Variants in LAMA3 observed in about 807,000 individuals in gnomAD.
The protein encoded by LAMA3 is laminin subunit alpha 3, also known as laminin subunit alpha-3.
Under a neutral mutation model 402.0 loss-of-function variants are expected in LAMA3, and 281 were observed. That is an observed-to-expected ratio of 0.70 (90% CI 0.63 to 0.77). The LOEUF (loss-of-function observed/expected upper bound fraction) is 0.77, where lower values mean the gene tolerates loss of function less well. LAMA3 is among the 30% of genes least tolerant of loss of function. The pLI, the probability that LAMA3 is intolerant of heterozygous loss-of-function variation, is 0.00. For synonymous variants in LAMA3, 1,431 were observed against 1,558.4 expected (o/e 0.92, Z 1.93); for missense variants, 3,840 against 4,215.5 (o/e 0.91, Z 2.47).
intron 10 of LAMA3, 25 bp from the exon 11 acceptor site, chr18:23,777,532 A>G: frequency 2.0e-6 from 3 of 1,500,572 alleles, no homozygotes; most frequent in Non-Finnish European, 2.8e-6. Context: ...CATCCTCTGT[A>G]TTTTTTAATA....
intron 1 of LAMA3, among the ~76,000 whole-genome samples, chr18:23,701,343 A>G (rs1490164111): frequency 6.6e-6 from 1 of 152,212 alleles, no homozygotes; most frequent in Non-Finnish European, 1.5e-5. Flanking sequence ...GCAAGTGGTC[A>G]GAAGTTAGGA....
At chr18:23,836,165 AAAC>A (rs1429470563) in intron 24 of LAMA3, among the ~76,000 whole-genome samples, 2 of 151,996 alleles carry the variant, frequency 1.3e-5, no homozygotes, top group Non-Finnish European at 2.9e-5. Flanking sequence ...GTGAGAAAGA[AAAC>A]AACAGTTTAT....
rs1218062116 is a variant in LAMA3 at position 23,916,667 on chromosome 18, G to C, written c.7895G>C (p.Arg2632Thr). 3 of 1,614,158 alleles carry C rather than the reference G, an allele frequency of 1.9e-6. No individual in the cohort carries two copies. The highest frequency in any genetic ancestry group is 1.7e-6 in the Non-Finnish European group (2 of 1,180,020). Residue 2632 changes from arginine to threonine, a missense_variant, in exon 60 of 75, where the codon AGA becomes ACA. By Grantham distance (71) the Arg-to-Thr change is moderately conservative. Coordinates refer to ENST00000313654, the MANE Select transcript of LAMA3 (RefSeq NM_198129.4). ...CAGACAATTCAGACCACCGTGGATAGAGGCTTGCTGTTCTTTGCAGAAAAC... is the reference window on the plus strand; with the variant it reads ...CAGACAATTCAGACCACCGTGGATACAGGCTTGCTGTTCTTTGCAGAAAAC... ...FGQTIQTTVD[R>T]GLLFFAENGD...
At chr18:23,815,344 T>TG (rs1158405106) in intron 16 of LAMA3, 104 bp downstream of exon 16, 1 of 1,353,180 alleles carries the variant, frequency 7.4e-7, no homozygotes, top group Admixed American at 1.8e-5. Context: ...CTACAGTGCA[T>TG]GGTAATCCTT....
chr18:23,933,649 C>A, intron 66 of LAMA3, 133 bp from the exon 67 acceptor site: 1 of 834,036 alleles, frequency 1.2e-6, no homozygotes, highest in Non-Finnish European at 2.0e-6. Context: ...TATCTAACTG[C>A]ATTTTTGTAC....
At chr18:23,813,183 T>G (rs2063107818) in intron 14 of LAMA3, 80 bp downstream of exon 14, 4 of 958,870 alleles carry the variant, frequency 4.2e-6, no homozygotes, top group Non-Finnish European at 6.7e-6. Context: ...GTGTGGGCAC[T>G]TCCAGAAATT....
At chr18:23,844,615 A>T (rs1288780968) in intron 29 of LAMA3, among the ~76,000 whole-genome samples, 4 of 152,120 alleles carry the variant, frequency 2.6e-5, no homozygotes, top group Non-Finnish European at 5.9e-5. Flanking sequence ...TGTTCCTGTG[A>T]TTGTTTTTCA....
intron 32 of LAMA3, among the ~76,000 whole-genome samples, chr18:23,853,186 AAAAT>A (rs1000013857): frequency 2.0e-5 from 3 of 152,206 alleles, no homozygotes; most frequent in Non-Finnish European, 4.4e-5. Context: ...CTTGAGTGAA[AAAAT>A]AAATAAATAA....
intron 69 of LAMA3, 68 bp downstream of exon 69, chr18:23,944,039 G>A: frequency 6.8e-7 from 1 of 1,464,862 alleles, no homozygotes; most frequent in Non-Finnish European, 9.4e-7. Flanking sequence ...GCTGAAAATA[G>A]GAGTCCCAGC....
At chr18:23,713,143 T>A (rs927949485) in intron 1 of LAMA3, among the ~76,000 whole-genome samples, 2 of 151,990 alleles carry the variant, frequency 1.3e-5, no homozygotes, top group African/African-American at 4.8e-5. Flanking sequence ...TAAAAATGGA[T>A]CCCCATTTAC....
In LAMA3 at chr18:23,921,280, A is replaced by C; in HGVS notation, c.8044-172A>C. On this transcript the variant is annotated intron_variant, in intron 61 of 74. Coordinates refer to ENST00000313654, the MANE Select transcript of LAMA3 (RefSeq NM_198129.4). Reference sequence around the variant, plus strand: ...AACTTCAAATACAAACATTTCTATCAAAATGTTTTAGTATCATATTTTTAT... The same window carrying C: ...AACTTCAAATACAAACATTTCTATCCAAATGTTTTAGTATCATATTTTTAT... Among the ~76,000 whole-genome samples, 2 of 152,244 alleles carry C rather than the reference A, an allele frequency of 1.3e-5. 1 individual carries two copies. The highest frequency in any genetic ancestry group is 1.3e-4 in the Admixed American group (2 of 15,288).
At chr18:23,719,119 T>A (rs540528636) in intron 2 of LAMA3, among the ~76,000 whole-genome samples, 1 of 152,322 alleles carries the variant, frequency 6.6e-6, no homozygotes, top group South Asian at 2.1e-4. Context: ...AGTTTGTGCT[T>A]CTTGAGGTCA....
At chr18:23,746,668 T>C (rs1378856932) in intron 2 of LAMA3, among the ~76,000 whole-genome samples, 1 of 152,082 alleles carries the variant, frequency 6.6e-6, no homozygotes, top group Non-Finnish European at 1.5e-5. Flanking sequence ...TTAAATGAAT[T>C]AATAGTATAT....
intron 41 of LAMA3, among the ~76,000 whole-genome samples, chr18:23,886,875 G>A (rs192673786): frequency 6.6e-6 from 1 of 152,312 alleles, no homozygotes; most frequent in East Asian, 1.9e-4. Flanking sequence ...GGCAGGTTAG[G>A]TTGGGGAAGC....
At chr18:23,892,977 TG>T (rs1374188394) in intron 42 of LAMA3, among the ~76,000 whole-genome samples, 1 of 150,142 alleles carries the variant, frequency 6.7e-6, no homozygotes, top group Non-Finnish European at 1.5e-5. Flanking sequence ...TAAATTAAAA[TG>T]TATATAAATA....
intron 62 of LAMA3, among the ~76,000 whole-genome samples, chr18:23,924,153 TTTTC>T (rs1432983072): frequency 1.3e-5 from 2 of 152,016 alleles, no homozygotes; most frequent in African/African-American, 4.8e-5. Flanking sequence ...CAGTCCAGAA[TTTTC>T]TTTCTTTTTT....
chr18:23,842,787 GC>G, intron 29 of LAMA3, 37 bp downstream of exon 29: 1 of 1,613,538 alleles, frequency 6.2e-7, no homozygotes, highest in Non-Finnish European at 8.5e-7. Flanking sequence ...CTCCTCACAT[GC>G]CTGCCTGGCT....
intron 74 of LAMA3, among the ~76,000 whole-genome samples, chr18:23,953,497 A>G (rs1271676072): frequency 1.3e-5 from 2 of 151,680 alleles, no homozygotes; most frequent in South Asian, 2.1e-4. Context: ...ACATGCCACC[A>G]CGCCTGGATA....
rs557179853 is a variant in LAMA3 at position 23,847,218 on chromosome 18, A to G, written c.3932-246A>G. Among the ~76,000 whole-genome samples the G allele has an allele frequency of 7.2e-5, 11 of 152,344 alleles. 1 individual carries two copies. In the South Asian group the frequency reaches 1.7e-3, roughly 23 times the overall value. On this transcript the variant is annotated intron_variant, in intron 31 of 74. Coordinates refer to ENST00000313654, the MANE Select transcript of LAMA3 (RefSeq NM_198129.4). ...CAGAGGCCCCATATGAGTGGCACAC[A>G]GTGGCAGCGAGGTGGGCTCCTTGGA...
Sources: allele counts gnomAD v4.1 joint callset (sites outside exome capture counted in the v4.1 genomes callset), GRCh38; gene constraint gnomAD v4.1.1; transcripts MANE v1.5; gene names NCBI Gene and HGNC (gene_info 2026-07-23, HGNC 2026-07-21).